The following BRINP3 variants were observed in gnomAD, a reference collection of about 807,000 sequenced individuals.
BRINP3 encodes the protein BMP/retinoic acid-inducible neural-specific protein 3.
BRINP3 carries 19 observed loss-of-function variants against 71.0 expected under a neutral mutation model. That is an observed-to-expected ratio of 0.27 (90% CI 0.19 to 0.39). The LOEUF (loss-of-function observed/expected upper bound fraction) is 0.39. Among genes scored for constraint, BRINP3 ranks in the 10% least tolerant of loss-of-function variants. The pLI, the probability that BRINP3 is intolerant of heterozygous loss-of-function variation, is 1.00. For synonymous variants in BRINP3, 380 were observed against 337.7 expected, an observed-to-expected ratio of 1.13 and a Z score of -1.37; for missense variants, 959 against 940.8, an observed-to-expected ratio of 1.02 and a Z score of -0.25.
intron 2 of BRINP3, among the ~76,000 whole-genome samples, chr1:190,407,805 A>T (rs1229289837): frequency 2.0e-5 from 3 of 152,144 alleles, no homozygotes; most frequent in African/African-American, 7.2e-5. Context: ...TCCATAATAA[A>T]CAAAAAGTCA....
chr1:190,350,925 C>G (rs151304870), intron 2 of BRINP3, among the ~76,000 whole-genome samples: 133 of 151,358 alleles, frequency 8.8e-4, no homozygotes, highest in African/African-American at 3.1e-3. Flanking sequence ...CATGTTGAAG[C>G]GGTTCTCCTG....
chr1:190,149,573 T>C (rs1656201512), intron 7 of BRINP3, among the ~76,000 whole-genome samples: 2 of 152,060 alleles, frequency 1.3e-5, no homozygotes, highest in South Asian at 4.1e-4. Flanking sequence ...CGTTTTTGTA[T>C]ACACGTCTCA....
At chr1:190,218,584 A>G (rs1168303333) in intron 6 of BRINP3, among the ~76,000 whole-genome samples, 1 of 152,118 alleles carries the variant, frequency 6.6e-6, no homozygotes, top group Non-Finnish European at 1.5e-5. Context: ...TGGTGAGAAT[A>G]TTTGAAATAT....
chr1:190,192,933 T>C (rs373833185), intron 6 of BRINP3, among the ~76,000 whole-genome samples: 18 of 152,270 alleles, frequency 1.2e-4, no homozygotes, highest in East Asian at 9.7e-4. Flanking sequence ...CTTAAACTTT[T>C]ATATTTTTAT....
intron 6 of BRINP3, among the ~76,000 whole-genome samples, chr1:190,221,520 G>A (rs1004887395): frequency 8.6e-5 from 13 of 151,986 alleles, no homozygotes; most frequent in Non-Finnish European, 1.5e-4. Flanking sequence ...AGACTAAAAC[G>A]AACCAGAAAA....
intron 2 of BRINP3, among the ~76,000 whole-genome samples, chr1:190,313,773 C>T (rs1279569087): frequency 6.6e-6 from 1 of 152,006 alleles, no homozygotes. Flanking sequence ...ATTATACAGA[C>T]ATATAGCTAT....
intron 2 of BRINP3, among the ~76,000 whole-genome samples, chr1:190,401,045 C>A (rs1671884105): frequency 2.0e-5 from 3 of 152,206 alleles, no homozygotes; most frequent in African/African-American, 7.2e-5. Flanking sequence ...GAAAGCCTAG[C>A]TGAGGACAAA....
chr1:190,350,653 T>C (rs1382611447), intron 2 of BRINP3, among the ~76,000 whole-genome samples: 1 of 152,042 alleles, frequency 6.6e-6, no homozygotes, highest in Non-Finnish European at 1.5e-5. Flanking sequence ...CTAATCTAAA[T>C]CTAAATGCCT....
intron 3 of BRINP3, among the ~76,000 whole-genome samples, chr1:190,274,930 A>G (rs959050214): frequency 6.6e-6 from 1 of 151,840 alleles, no homozygotes; most frequent in Admixed American, 6.6e-5. Context: ...CTTAACACCA[A>G]TTGGCATCTG....
At chr1:190,230,628 A>T (rs990912619) in intron 5 of BRINP3, among the ~76,000 whole-genome samples, 1 of 151,870 alleles carries the variant, frequency 6.6e-6, no homozygotes, top group Non-Finnish European at 1.5e-5. Context: ...TTTGAACAAG[A>T]TATACAAATA....
chr1:190,225,086 T>C (rs1181252995), intron 6 of BRINP3, among the ~76,000 whole-genome samples: 1 of 151,894 alleles, frequency 6.6e-6, no homozygotes, highest in East Asian at 1.9e-4. Context: ...CTCAAACACC[T>C]AAAGTAGAAG....
At chr1:190,305,422 T>TA (rs1353277229) in intron 2 of BRINP3, among the ~76,000 whole-genome samples, 4 of 151,836 alleles carry the variant, frequency 2.6e-5, no homozygotes, top group Middle Eastern at 3.4e-3. Flanking sequence ...TATTCAGGCA[T>TA]AAAAAAACTC....
At chr1:190,171,968 A>T (rs1323140023) in intron 6 of BRINP3, among the ~76,000 whole-genome samples, 1 of 150,952 alleles carries the variant, frequency 6.6e-6, no homozygotes, top group African/African-American at 2.4e-5. Flanking sequence ...TTAATTAGCC[A>T]GTTGTGGCTG....
rs147247950 is a variant in BRINP3 at position 190,307,052 on chromosome 1, T to C, written c.237-25302A>G. ...TTTAAACTCTTGAGTGTCTACTGAGTGCAAAATACTCTGTCTTGTATAGTG... is the reference window on the plus strand; with the variant it reads ...TTTAAACTCTTGAGTGTCTACTGAGCGCAAAATACTCTGTCTTGTATAGTG... On this transcript the variant is annotated intron_variant, in intron 2 of 7. Coordinates refer to ENST00000367462, the MANE Select transcript of BRINP3 (RefSeq NM_199051.3). Among the ~76,000 whole-genome samples, 3 of 151,926 alleles carry C rather than the reference T, an allele frequency of 2.0e-5. No individual in the cohort carries two copies. In the East Asian group the frequency reaches 5.8e-4, roughly 29 times the overall value.
chr1:190,355,470 A>T (rs1668668910), intron 2 of BRINP3, among the ~76,000 whole-genome samples: 1 of 151,932 alleles, frequency 6.6e-6, no homozygotes. Flanking sequence ...CAAACATTAT[A>T]AGTGACAACA....
At chr1:190,307,258 GTTTTTTTT>G (rs71123082) in intron 2 of BRINP3, among the ~76,000 whole-genome samples, 3 of 52,596 alleles carry the variant, frequency 5.7e-5, no homozygotes, top group African/African-American at 2.3e-4. Context: ...TTAAAACATT[GTTTTTTTT>G]TTTTTTTTTT....
chr1:190,287,928 G>A (rs1462967813), intron 2 of BRINP3, among the ~76,000 whole-genome samples: 1 of 151,770 alleles, frequency 6.6e-6, no homozygotes. Flanking sequence ...AGCTTAATAG[G>A]GTTTTATGCA....
At chr1:190,233,609 T>C (rs1393403112) in intron 5 of BRINP3, among the ~76,000 whole-genome samples, 1 of 152,208 alleles carries the variant, frequency 6.6e-6, no homozygotes, top group East Asian at 1.9e-4. Flanking sequence ...CAAAAAGGCA[T>C]ACTAGAGAAT....
At chr1:190,451,698 C>G (rs1675617929) in intron 2 of BRINP3, among the ~76,000 whole-genome samples, 1 of 151,840 alleles carries the variant, frequency 6.6e-6, no homozygotes, top group Non-Finnish European at 1.5e-5. Flanking sequence ...TAAATATACA[C>G]AAGTTTAAAA....
Sources: gnomAD v4.1 joint callset for allele counts (sites outside exome capture counted in the v4.1 genomes callset) on GRCh38, gnomAD v4.1.1 for gene constraint, MANE v1.5 for transcripts, NCBI Gene and HGNC (gene_info 2026-07-23, HGNC 2026-07-21) for gene names.